The following KMT2C variants were observed in gnomAD, a reference collection of about 807,000 sequenced individuals.
KMT2C encodes lysine methyltransferase 2C.
KMT2C carries 88 observed loss-of-function variants against 507.9 expected under a neutral mutation model. The ratio of observed to expected loss-of-function variants is 0.17; its 90% CI spans 0.15 to 0.21. The LOEUF (loss-of-function observed/expected upper bound fraction) is 0.21, where lower values mean the gene tolerates loss of function less well. Ranked by LOEUF, KMT2C falls within the 10% of genes least tolerant of loss-of-function variation. The pLI is 1.00. For missense variants in KMT2C, 4,954 were observed against 5,957.8 expected (o/e 0.83, Z 5.55); for synonymous variants, 2,049 against 2,080.8 (o/e 0.98, Z 0.42).
Position 152,181,770 on chromosome 7 carries a change from C to G in KMT2C, c.6090G>C (p.Leu2030Phe), listed in dbSNP as rs754141970. Reference protein sequence around the residue: ...QRIPDSYARPLLTPAPLDSGP... With the variant: ...QRIPDSYARPFLTPAPLDSGP... ...CACTATCAAGAGGTGCAGGTGTCAA[C>G]AAGGGTCGTGCATATGAGTCAGGTA... The change falls in exon 36 of 59, where the codon TTG (leucine) becomes TTC (phenylalanine). Residue 2030 changes from leucine to phenylalanine, a missense_variant. Physicochemically the swap from Leu to Phe is conservative, Grantham distance 22. Around this residue, in one of 29 missense-constraint regions of KMT2C, gnomAD observed 1,689 missense variants for 1,654.3 expected, o/e 1.02. Coordinates refer to ENST00000262189, the MANE Select transcript of KMT2C (RefSeq NM_170606.3). 1 of 1,614,072 alleles carries G rather than the reference C, an allele frequency of 6.2e-7. No homozygotes were observed. Among genetic ancestry groups the G allele is most frequent in the Middle Eastern group, 1.6e-4 (1 of 6,062 alleles).
intron 1 of KMT2C, among the ~76,000 whole-genome samples, chr7:152,419,360 A>AC (rs2097765454): frequency 6.6e-6 from 1 of 152,216 alleles, no homozygotes; most frequent in Non-Finnish European, 1.5e-5. Flanking sequence ...CCAAAAAAAA[A>AC]AGTGGGGGAA....
At chr7:152,297,003 AAG>A (rs1191055300) in intron 6 of KMT2C, among the ~76,000 whole-genome samples, 7 of 63,610 alleles carry the variant, frequency 1.1e-4, no homozygotes, top group African/African-American at 6.4e-4. Context: ...AAGAAAAAGA[AAG>A]AAAGAAAGAA....
intron 12 of KMT2C, 125 bp from the exon 13 acceptor site, chr7:152,250,078 A>T: frequency 1.7e-6 from 1 of 578,622 alleles, no homozygotes; most frequent in Non-Finnish European, 3.1e-6. Context: ...AGCATGAAAC[A>T]TTGTACCACT....
intron 1 of KMT2C, among the ~76,000 whole-genome samples, chr7:152,398,017 C>A (rs1589726785): frequency 6.6e-6 from 1 of 152,206 alleles, no homozygotes; most frequent in African/African-American, 2.4e-5. Flanking sequence ...GCCTCCACAT[C>A]ATTCACGTGT....
intron 44 of KMT2C, 60 bp downstream of exon 44, chr7:152,158,803 C>T (rs2092266991): frequency 8.7e-6 from 13 of 1,502,310 alleles, no homozygotes; most frequent in Admixed American, 1.7e-5. Context: ...GCATGAGCCA[C>T]TGCCCCCAGC....
In KMT2C at chr7:152,255,109, T is replaced by TATA. The variant is rs1588626891; in HGVS notation, c.1300-2395_1300-2394insTAT. On this transcript the variant is annotated intron_variant, in intron 9 of 58. Coordinates refer to ENST00000262189, the MANE Select transcript of KMT2C (RefSeq NM_170606.3). ...AATCAAGATGTCAATCAACTCTCAC[T>TATA]TATATATATATATATATATATATAT... is the stretch of plus-strand genomic sequence containing the variant. Among the ~76,000 whole-genome samples the TATA allele has an allele frequency of 2.2e-3, 169 of 78,344 alleles. 4 individuals carry two copies. The highest frequency in any genetic ancestry group is 9.4e-3 in the South Asian group (21 of 2,236). The allele number at this position is 78,344 out of a possible 152,430, so 51.4% of individuals were successfully genotyped here.
chr7:152,297,047 AAGAAAGACAGAGAGAGAG>A (rs2096513959), intron 6 of KMT2C, among the ~76,000 whole-genome samples: 9 of 68,930 alleles, frequency 1.3e-4, no homozygotes, highest in African/African-American at 5.1e-4. Flanking sequence ...GAAAGAAAGA[AAGAAAGACAGAGAGAGAG>A]AGAGAGAGAG....
At chr7:152,263,248 G>A (rs2095809343) in intron 8 of KMT2C, 118 bp from the exon 9 acceptor site, 2 of 785,834 alleles carry the variant, frequency 2.5e-6, no homozygotes, top group Non-Finnish European at 4.0e-6. Context: ...CTCAGTATCT[G>A]TTTTGTCTCT....
At position 152,301,101 on chromosome 7, in the gene KMT2C, G is replaced by A. The variant is rs553022573; in HGVS notation, c.849+8865C>T. On this transcript the variant is annotated intron_variant, in intron 6 of 58. Coordinates refer to ENST00000262189, the MANE Select transcript of KMT2C (RefSeq NM_170606.3). ...TAAAGGGCTGGGCGCAGTGGCTCACGCCTATAATACTAGCACCTTGGCAGG... is the reference window on the plus strand; with the variant it reads ...TAAAGGGCTGGGCGCAGTGGCTCACACCTATAATACTAGCACCTTGGCAGG... 7.3e-5 allele frequency among the ~76,000 whole-genome samples: 11 copies of A among 151,390 alleles called. No homozygotes were observed. In the East Asian group the frequency reaches 1.8e-3, roughly 24 times the overall value.
intron 1 of KMT2C, among the ~76,000 whole-genome samples, chr7:152,390,000 G>T (rs1044236927): frequency 6.6e-6 from 1 of 152,312 alleles, no homozygotes; most frequent in South Asian, 2.1e-4. Context: ...TTGTAAGTGG[G>T]AGCTAAACAA....
chr7:152,270,808 G>T (rs1403502038), intron 7 of KMT2C, among the ~76,000 whole-genome samples: 1 of 152,130 alleles, frequency 6.6e-6, no homozygotes, highest in Non-Finnish European at 1.5e-5. Flanking sequence ...ACAATGACCA[G>T]CCATTTACCT....
At position 152,230,269 on chromosome 7, in the gene KMT2C, T is replaced by C. The variant is rs1425842261; in HGVS notation, c.2822A>G (p.His941Arg). Residue 941 changes from histidine (H) to arginine (R), a missense_variant, in exon 17 of 59, where the codon CAC becomes CGC. By Grantham distance (29) the His-to-Arg change is conservative (BLOSUM62 0). Around this residue, in one of 29 missense-constraint regions of KMT2C, gnomAD observed 62 missense variants for 137.2 expected, o/e 0.45. Transcript: ENST00000262189. The part of the protein sequence containing the change: ...SNKDDEENSM[H>R]NTVVLFSSSD... ...GCTAGAAAACAACACAACTGTATTG[T>C]GCATAGAGTTTTCTTCATCATCCTT... 6.2e-7 allele frequency: 1 copy of C among 1,604,438 alleles called. No individual in the cohort carries two copies. The highest frequency in any genetic ancestry group is 1.3e-5 in the African/African-American group (1 of 74,722).
chr7:152,187,755 T>G lies in KMT2C; in HGVS notation c.4753A>C (p.Thr1585Pro), dbSNP rs770247030. The G allele has an allele frequency of 3.6e-5, 58 of 1,614,006 alleles. No homozygotes were observed. The highest frequency in any genetic ancestry group is 8.5e-6 in the Non-Finnish European group (10 of 1,180,014). Residue 1585 changes from threonine (T) to proline (P), a missense_variant, in exon 32 of 59, where the codon ACT becomes CCT. By Grantham distance (38) the Thr-to-Pro change is conservative. This residue lies in a region of KMT2C where 195 missense variants were observed against 183.7 expected (regional missense o/e 1.06). Transcript: ENST00000262189. The part of the protein sequence containing the change: ...NSLPPGSGLG[T>P]FSAIAQSSYP... ...GAGGATTGTGCAATTGCAGAGAAAGTTCCCAGTCCGCTTCCAGGTGGCAAA... is the reference window on the plus strand; with the variant it reads ...GAGGATTGTGCAATTGCAGAGAAAGGTCCCAGTCCGCTTCCAGGTGGCAAA...
intron 1 of KMT2C, among the ~76,000 whole-genome samples, chr7:152,361,079 A>G (rs1044775108): frequency 5.9e-5 from 9 of 152,186 alleles, no homozygotes; most frequent in Non-Finnish European, 8.8e-5. Flanking sequence ...TTAATGTTAC[A>G]TAACAAGTCA....
chr7:152,160,633 A>C (rs907589547), intron 43 of KMT2C, among the ~76,000 whole-genome samples: 2 of 146,660 alleles, frequency 1.4e-5, no homozygotes, highest in African/African-American at 5.0e-5. Context: ...ATATTTATAT[A>C]TTTATATTTA....
At chr7:152,170,579 T>G (rs2092919737) in intron 40 of KMT2C, among the ~76,000 whole-genome samples, 1 of 152,218 alleles carries the variant, frequency 6.6e-6, no homozygotes, top group South Asian at 2.1e-4. Flanking sequence ...CTCGGCTCAC[T>G]GCAACCTCTG....
rs543089600 is a variant in KMT2C, at chr7:152,358,842, A to G, written c.162-167T>C. 7.2e-5 allele frequency among the ~76,000 whole-genome samples: 11 copies of G among 152,298 alleles called. No individual in the cohort carries two copies. In the East Asian group the frequency reaches 2.1e-3, roughly 29 times the overall value. On this transcript the variant is annotated intron_variant, in intron 1 of 58. Coordinates refer to ENST00000262189, the MANE Select transcript of KMT2C (RefSeq NM_170606.3). ...GTAGAAAATATCAGAGTTTACAGTC[A>G]TTTTCTCCCTTAAATCCAGCACTTC...
intron 6 of KMT2C, among the ~76,000 whole-genome samples, chr7:152,290,295 T>TATATATATATATATA (rs1491166001): frequency 1.2e-4 from 2 of 16,978 alleles, no homozygotes; most frequent in Non-Finnish European, 1.9e-4. Context: ...TATATATATA[T>TATATATATATATATA]TTTTTTTTTT....
At chr7:152,342,479 G>GA (rs541976199) in intron 2 of KMT2C, among the ~76,000 whole-genome samples, 97 of 152,182 alleles carry the variant, frequency 6.4e-4, no homozygotes, top group African/African-American at 1.4e-3. Context: ...AAGCTAAACT[G>GA]AAAAATCAAC....
Sources: allele counts gnomAD v4.1 joint callset (sites outside exome capture counted in the v4.1 genomes callset), GRCh38; gene constraint gnomAD v4.1.1; regional missense constraint gnomAD v4.1.1; transcripts MANE v1.5; gene names NCBI Gene and HGNC (gene_info 2026-07-23, HGNC 2026-07-21).